Variants in ABCC1 observed in about 807,000 individuals in gnomAD.
ABCC1 encodes ATP binding cassette subfamily C member 1 (ABCC1 blood group), also known as multidrug resistance-associated protein 1.
Under a neutral mutation model 172.9 loss-of-function variants are expected in ABCC1, and 83 were observed. The observed-to-expected ratio is 0.48, with a 90% CI of 0.40 to 0.58. The LOEUF (loss-of-function observed/expected upper bound fraction) is 0.58. Among genes scored for constraint, ABCC1 ranks in the 20% least tolerant of loss-of-function variants. The pLI, the probability that ABCC1 is intolerant of heterozygous loss-of-function variation, is 0.00. For synonymous variants in ABCC1, 937 were observed against 825.2 expected, an observed-to-expected ratio of 1.14 and a Z score of -2.32; for missense variants, 1,817 against 2,002.7, an observed-to-expected ratio of 0.91 and a Z score of 1.77.
intron 1 of ABCC1, among the ~76,000 whole-genome samples, chr16:15,970,015 C>T (rs75463119): frequency 7.1e-4 from 108 of 152,130 alleles, no homozygotes; most frequent in East Asian, 3.3e-3. Flanking sequence ...GCGTGGTGCC[C>T]GGTGAGTGCA....
intron 5 of ABCC1, among the ~76,000 whole-genome samples, chr16:16,018,399 A>G (rs1429833825): frequency 6.6e-6 from 1 of 152,058 alleles, no homozygotes; most frequent in African/African-American, 2.4e-5. Flanking sequence ...AAATACAAAA[A>G]TTAGCCAGGC....
intron 21 of ABCC1, among the ~76,000 whole-genome samples, chr16:16,107,330 C>T (rs11075297): frequency 0.38 from 58,391 of 151,974 alleles, 12,927 homozygotes; most frequent in Non-Finnish European, 0.5. Context: ...CACTCTGTCA[C>T]CAAGGCTGGA....
chr16:15,999,304 C>CA (rs1025426836), intron 1 of ABCC1, among the ~76,000 whole-genome samples: 63 of 151,860 alleles, frequency 4.1e-4, no homozygotes, highest in African/African-American at 1.5e-3. Flanking sequence ...TGTGCCCAGC[C>CA]AAAAAAATTT....
At chr16:16,056,726 A>G (rs2049671972) in intron 12 of ABCC1, among the ~76,000 whole-genome samples, 2 of 152,118 alleles carry the variant, frequency 1.3e-5, no homozygotes, top group Admixed American at 1.3e-4. Context: ...CTTGGTTTAA[A>G]CATTTGCCAT....
In ABCC1 at chr16:16,141,282, G is replaced by C; in HGVS notation, c.*1G>C. 6.2e-7 allele frequency: 1 copy of C among 1,613,844 alleles called. No homozygotes were observed. Among genetic ancestry groups the C allele is most frequent in the South Asian group, 1.1e-5 (1 of 91,088 alleles). On this transcript the variant is annotated 3_prime_UTR_variant, in exon 31 of 31. Transcript: ENST00000399410. The stretch of plus-strand genomic sequence containing the variant: ...GGCCAAAGACGCCGGCTTGGTGTGA[G>C]CCCCAGAGCTGGCATATCTGGTCAG...
intron 19 of ABCC1, among the ~76,000 whole-genome samples, chr16:16,099,173 C>T (rs1278584885): frequency 1.3e-5 from 2 of 152,202 alleles, no homozygotes; most frequent in East Asian, 1.9e-4. Flanking sequence ...ATCACGTTAC[C>T]GTGACCAGCA....
At chr16:16,132,515 T>G (rs12925671) in intron 27 of ABCC1, among the ~76,000 whole-genome samples, 6 of 78,588 alleles carry the variant, frequency 7.6e-5, no homozygotes, top group African/African-American at 1.5e-4. Context: ...TGGTTGTTTT[T>G]TTTTTTTTTT....
At chr16:16,118,448 CT>C (rs2045000483) in intron 23 of ABCC1, among the ~76,000 whole-genome samples, 5 of 116,200 alleles carry the variant, frequency 4.3e-5, no homozygotes, top group African/African-American at 9.4e-5. Context: ...TTTTTTTCCC[CT>C]GCATTTACCA....
chr16:15,962,256 A>C (rs1042120753), intron 1 of ABCC1, among the ~76,000 whole-genome samples: 3 of 152,232 alleles, frequency 2.0e-5, no homozygotes, highest in African/African-American at 7.2e-5. Flanking sequence ...GATGTGTTTA[A>C]ATTTTAAACA....
chr16:16,091,460 A>G (rs1402586048), intron 19 of ABCC1, among the ~76,000 whole-genome samples: 1 of 152,058 alleles, frequency 6.6e-6, no homozygotes, highest in African/African-American at 2.4e-5. Context: ...GGGAAACAAA[A>G]AAGACAATGC....
In ABCC1 at chr16:16,105,690, C is replaced by T. The variant is rs2052052966; in HGVS notation, c.2736-1048C>T. 2.0e-5 allele frequency among the ~76,000 whole-genome samples: 3 copies of T among 150,912 alleles called. No individual in the cohort carries two copies. In the South Asian group the frequency reaches 6.3e-4, roughly 32 times the overall value. On this transcript the variant is annotated intron_variant, in intron 20 of 30. Coordinates refer to ENST00000399410, the MANE Select transcript of ABCC1 (RefSeq NM_004996.4). ...GCCGCAGCTGTGTTTTGCATGGTCTCCATAATTTCTTTTCTTTTCTTTTCT... is the reference window on the plus strand; with the variant it reads ...GCCGCAGCTGTGTTTTGCATGGTCTTCATAATTTCTTTTCTTTTCTTTTCT...
intron 19 of ABCC1, chr16:16,095,010 G>T (rs1443380683): frequency 6.6e-6 from 1 of 151,720 alleles, no homozygotes; most frequent in African/African-American, 2.4e-5. Flanking sequence ...TAGAGATGGG[G>T]TTTCACCATG....
chr16:16,073,310 C>T (rs945217867), intron 14 of ABCC1, among the ~76,000 whole-genome samples: 4 of 152,202 alleles, frequency 2.6e-5, no homozygotes, highest in Non-Finnish European at 5.9e-5. Flanking sequence ...AGAGTCCATG[C>T]TCTTCCTGGC....
intron 5 of ABCC1, among the ~76,000 whole-genome samples, chr16:16,026,407 C>T (rs2048369209): frequency 7.8e-6 from 1 of 128,528 alleles, no homozygotes; most frequent in Non-Finnish European, 1.5e-5. Flanking sequence ...GCGCTGCAGC[C>T]TGGGCGATGA....
chr16:16,014,674 G>GCTCC (rs781252676), intron 4 of ABCC1, 46 bp downstream of exon 4: 3 of 1,606,474 alleles, frequency 1.9e-6, no homozygotes, highest in Non-Finnish European at 2.6e-6. Context: ...GGACCCGGAG[G>GCTCC]GAGAGATGCT....
At chr16:16,051,903 G>A (rs1040044805) in intron 10 of ABCC1, among the ~76,000 whole-genome samples, 4 of 152,158 alleles carry the variant, frequency 2.6e-5, no homozygotes, top group Non-Finnish European at 4.4e-5. Context: ...AGGTGGTCGT[G>A]TTCACACTTT....
intron 26 of ABCC1, among the ~76,000 whole-genome samples, chr16:16,129,336 T>G (rs1385945572): frequency 6.6e-6 from 1 of 152,024 alleles, no homozygotes; most frequent in Non-Finnish European, 1.5e-5. Context: ...TTAGTTGCAT[T>G]GTAAGCGCTC....
chr16:16,059,751 G>A (rs903687106), intron 12 of ABCC1, among the ~76,000 whole-genome samples: 1 of 152,048 alleles, frequency 6.6e-6, no homozygotes, highest in African/African-American at 2.4e-5. Flanking sequence ...GTTGCAGTGA[G>A]CCAAGATCAT....
In ABCC1 at chr16:16,083,754, C is replaced by T. The variant is rs141256355; in HGVS notation, c.2292+212C>T. ...CACTTACAGAGCTTTTGCTGGGGAC[C>T]GGGGTGAGGGGTCCACAGCTTTCCA... On this transcript the variant is annotated intron_variant, in intron 17 of 30. Coordinates refer to ENST00000399410, the MANE Select transcript of ABCC1 (RefSeq NM_004996.4). Among the ~76,000 whole-genome samples the T allele has an allele frequency of 4.9e-3, 748 of 152,146 alleles. 14 individuals are homozygous for T. Among genetic ancestry groups the T allele is most frequent in the African/African-American group, 0.017 (694 of 41,498 alleles).
Sources: gnomAD v4.1 joint callset for allele counts (sites outside exome capture counted in the v4.1 genomes callset) on GRCh38, gnomAD v4.1.1 for gene constraint, MANE v1.5 for transcripts, NCBI Gene and HGNC (gene_info 2026-07-23, HGNC 2026-07-21) for gene names.